Variants in LDLRAP1 observed in about 807,000 individuals in gnomAD.
The protein encoded by LDLRAP1 is low density lipoprotein receptor adapter protein 1.
A neutral mutation model predicts 37.8 loss-of-function variants in LDLRAP1; 30 were observed. That is an observed-to-expected ratio of 0.79 (90% CI 0.59 to 1.08). The LOEUF (loss-of-function observed/expected upper bound fraction) is 1.08, where lower values mean the gene tolerates loss of function less well. LDLRAP1 is among the 50% of genes least tolerant of loss of function. The pLI is 0.00. For missense variants in LDLRAP1, 375 were observed against 401.6 expected, an observed-to-expected ratio of 0.93 and a Z score of 0.57; for synonymous variants, 156 against 169.8, an observed-to-expected ratio of 0.92 and a Z score of 0.63.
At position 25,561,977 on chromosome 1, in the gene LDLRAP1, G is replaced by A. The variant is rs564869610; in HGVS notation, c.460-667G>A. Reference sequence around the variant, plus strand: ...GTGACATCTGAGTTGGGTTTGGAGGGGTGAGGGAGAGTTCCCCTGGGGTGA... The same window carrying A: ...GTGACATCTGAGTTGGGTTTGGAGGAGTGAGGGAGAGTTCCCCTGGGGTGA... On this transcript the variant is annotated intron_variant, in intron 4 of 8. Coordinates refer to ENST00000374338, the MANE Select transcript of LDLRAP1 (RefSeq NM_015627.3). Among the ~76,000 whole-genome samples the A allele has an allele frequency of 3.3e-5, 5 of 152,274 alleles. No homozygotes were observed. In the South Asian group the frequency reaches 1.0e-3, roughly 32 times the overall value.
At chr1:25,553,861 G>A in intron 1 of LDLRAP1, 61 bp from the exon 2 acceptor site, 6 of 1,599,200 alleles carry the variant, frequency 3.8e-6, no homozygotes, top group Non-Finnish European at 5.1e-6. Context: ...GCTGGTGAGA[G>A]CTGTTGCTGG....
the LDLRAP1 span, among the ~76,000 whole-genome samples, chr1:25,578,196 C>T: frequency 1.6e-4 from 25 of 152,264 alleles, no homozygotes; most frequent in East Asian, 2.5e-3. Context: ...CACAAAGAAG[C>T]GGGTGACCGT....
chr1:25,586,887 T>C, the LDLRAP1 span, among the ~76,000 whole-genome samples: 1 of 152,112 alleles, frequency 6.6e-6, no homozygotes, highest in South Asian at 2.1e-4. This position sits in a 1 kb window ranked among gnomAD's most constrained non-coding sequence, Gnocchi z 4.3. Context: ...AAGCTGACCC[T>C]AGAGTGAGCA....
At chr1:25,546,162 G>A (rs2043929272) in intron 1 of LDLRAP1, among the ~76,000 whole-genome samples, 1 of 152,154 alleles carries the variant, frequency 6.6e-6, no homozygotes, top group East Asian at 1.9e-4. Context: ...TGGGGGTGGG[G>A]GTGCTAGGGT....
chr1:25,573,749 G>A (rs4659357), downstream of LDLRAP1, among the ~76,000 whole-genome samples: 24,873 of 152,150 alleles, frequency 0.16, 2,205 homozygotes, highest in Admixed American at 0.24. Context: ...TGACCTGATC[G>A]AGATGTGAAA....
chr1:25,563,523 G>A, intron 6 of LDLRAP1, 138 bp from the exon 7 acceptor site: 1 of 1,132,154 alleles, frequency 8.8e-7, no homozygotes, highest in Non-Finnish European at 1.3e-6. Context: ...GCTGTGGGGA[G>A]GTGCCAGGGC....
chr1:25,566,818 G>C (rs375426662), intron 8 of LDLRAP1, 30 bp from the exon 9 acceptor site: 18 of 1,596,894 alleles, frequency 1.1e-5, no homozygotes, highest in Non-Finnish European at 1.4e-5. Context: ...CCTCACCCAG[G>C]CTCTCGGCTC....
chr1:25,546,145 G>A (rs1283648971), intron 1 of LDLRAP1, among the ~76,000 whole-genome samples: 3 of 152,202 alleles, frequency 2.0e-5, no homozygotes, highest in African/African-American at 7.2e-5. Flanking sequence ...AGGGGCCATG[G>A]GGTATGTGGG....
chr1:25,572,913 A>G (rs1194594266), downstream of LDLRAP1, among the ~76,000 whole-genome samples: 1 of 152,180 alleles, frequency 6.6e-6, no homozygotes, highest in Non-Finnish European at 1.5e-5. Flanking sequence ...CCAGACACCT[A>G]GAAGAGGGGG....
At chr1:25,566,211 T>G (rs1221899497) in intron 8 of LDLRAP1, among the ~76,000 whole-genome samples, 1 of 152,200 alleles carries the variant, frequency 6.6e-6, no homozygotes, top group African/African-American at 2.4e-5. Flanking sequence ...GTTTTGGGCT[T>G]AATTCATGCT....
the LDLRAP1 span, among the ~76,000 whole-genome samples, chr1:25,584,881 C>A: frequency 6.6e-6 from 1 of 152,212 alleles, no homozygotes; most frequent in Admixed American, 6.5e-5. Flanking sequence ...CTGCTGCTAT[C>A]CTGTTCCACC....
At chr1:25,572,849 C>G (rs2044623565), downstream of LDLRAP1, among the ~76,000 whole-genome samples, 1 of 152,222 alleles carries the variant, frequency 6.6e-6, no homozygotes, top group Non-Finnish European at 1.5e-5. Flanking sequence ...TCATCCGTCT[C>G]TCCACTGTCC....
At chr1:25,580,863 G>A in the LDLRAP1 span, among the ~76,000 whole-genome samples, 1 of 152,098 alleles carries the variant, frequency 6.6e-6, no homozygotes. Flanking sequence ...TTATAGATGG[G>A]GACCAGGCTC....
downstream of LDLRAP1, among the ~76,000 whole-genome samples, chr1:25,569,054 C>T (rs1295222205): frequency 6.6e-6 from 1 of 152,080 alleles, no homozygotes; most frequent in African/African-American, 2.4e-5. Flanking sequence ...GTGGGGCCCC[C>T]TTTTCACCCA....
chr1:25,543,685 G>C lies in LDLRAP1; in HGVS notation c.-14G>C, dbSNP rs1374132530. 1 of 1,213,738 alleles carries C rather than the reference G, an allele frequency of 8.2e-7. No individual in the cohort carries two copies. The highest frequency in any genetic ancestry group is 1.0e-6 in the Non-Finnish European group (1 of 976,598). 75.2% of individuals were successfully genotyped at this position (1,213,738 alleles called of 1,614,324 possible). ...TTTTGGCTGCGGCAGCGGCGGCGGC[G>C]GCCGGAGCGGGCCATGGACGCGCTC... is the stretch of plus-strand genomic sequence containing the variant. On this transcript the variant is annotated 5_prime_UTR_variant, in exon 1 of 9. Coordinates refer to ENST00000374338, the MANE Select transcript of LDLRAP1 (RefSeq NM_015627.3).
Position 25,544,685 on chromosome 1 carries a change from T to G in LDLRAP1, c.88+899T>G, listed in dbSNP as rs1182562774. Among the ~76,000 whole-genome samples the G allele has an allele frequency of 6.6e-6, 1 of 151,978 alleles. No homozygotes were observed. The highest frequency in any genetic ancestry group is 1.5e-5 in the Non-Finnish European group (1 of 67,988). ...GCCAGAAGACCCAGCCTAGCGCAGG[T>G]CTCGTTGTTTGGGAGGGAGAAGAGA... On this transcript the variant is annotated intron_variant, in intron 1 of 8. Transcript: ENST00000374338. The surrounding 1 kb of genome is among the most constrained non-coding windows in gnomAD (Gnocchi z 4.8).
At chr1:25,562,994 T>C in intron 5 of LDLRAP1, 76 bp from the exon 6 acceptor site, 1 of 1,433,696 alleles carries the variant, frequency 7.0e-7, no homozygotes, top group Non-Finnish European at 9.8e-7. Flanking sequence ...CCACCGCTAA[T>C]CACCCCTGCC....
At chr1:25,564,934 G>A (rs1572056219) in intron 7 of LDLRAP1, 2 of 546,118 alleles carry the variant, frequency 3.7e-6, no homozygotes, top group Non-Finnish European at 6.6e-6. Flanking sequence ...ACCCACCTGG[G>A]TCTCCAGACA....
rs1269288730 is a variant in LDLRAP1 at position 25,567,496 on chromosome 1, C to T, written c.*504C>T. On this transcript the variant is annotated 3_prime_UTR_variant, in exon 9 of 9. Coordinates refer to ENST00000374338, the MANE Select transcript of LDLRAP1 (RefSeq NM_015627.3). ...CACAGCCGCAGAAGGGGAATGTGTC[C>T]TCCTGCTCTGCTTCCTCAGGGCCCA... is the stretch of plus-strand genomic sequence containing the variant. 3 of 254,890 alleles carry T rather than the reference C, an allele frequency of 1.2e-5. No individual in the cohort carries two copies. In the East Asian group the frequency reaches 3.6e-4, roughly 30 times the overall value. The allele number at this position is 254,890 out of a possible 1,614,324, so 15.8% of individuals were successfully genotyped here. A position where few individuals can be genotyped will look rare whatever the true frequency, so the allele number is the denominator to read the frequency against.
Sources: gnomAD v4.1 joint callset for allele counts (sites outside exome capture counted in the v4.1 genomes callset) on GRCh38, gnomAD v4.1.1 for gene constraint, Gnocchi (gnomAD v3.1) non-coding constraint, MANE v1.5 for transcripts, NCBI Gene and HGNC (gene_info 2026-07-23, HGNC 2026-07-21) for gene names.